Variants in MEF2A observed in about 807,000 individuals in gnomAD.
The protein encoded by MEF2A is myocyte enhancer factor 2A.
Under a neutral mutation model 55.8 loss-of-function variants are expected in MEF2A, and 28 were observed. That is an observed-to-expected ratio of 0.50 (90% CI 0.37 to 0.69). The LOEUF is 0.69. MEF2A is among the 30% of genes least tolerant of loss of function. MEF2A has a pLI of 0.00. For missense variants in MEF2A, 528 were observed against 626.2 expected (o/e 0.84, Z 1.67); for synonymous variants, 239 against 227.1 (o/e 1.05, Z -0.47).
intron 4 of MEF2A, among the ~76,000 whole-genome samples, chr15:99,660,801 A>C (rs940661397): frequency 6.6e-6 from 1 of 152,242 alleles, no homozygotes; most frequent in African/African-American, 2.4e-5. Context: ...TTCATAGATC[A>C]GAAGTCTCAA....
chr15:99,688,682 A>G lies in MEF2A; in HGVS notation c.671-1559A>G, dbSNP rs565494684. On this transcript the variant is annotated intron_variant, in intron 7 of 11. Transcript: ENST00000557942. The stretch of plus-strand genomic sequence containing the variant: ...TGAGGCAGGAGAATGGCGTGAACCC[A>G]GGAGGTGGAGCTTGCAGTGAGCCGA... Among the ~76,000 whole-genome samples the G allele has an allele frequency of 1.8e-4, 27 of 152,214 alleles. No homozygotes were observed. The South Asian group carries it at 2.9e-3, about 16-fold the overall frequency.
rs541974265 is a variant in MEF2A, at chr15:99,664,288, G to A, written c.259-7035G>A. Among the ~76,000 whole-genome samples the A allele has an allele frequency of 3.3e-5, 5 of 152,306 alleles. No homozygotes were observed. The South Asian group carries it at 8.3e-4, about 25-fold the overall frequency. On this transcript the variant is annotated intron_variant, in intron 4 of 11. Transcript: ENST00000557942. ...GTAGCTCCAACTAAAGAAAGAATTT[G>A]TTGAAAGAATGCAGACAGATAGCAC... is the stretch of plus-strand genomic sequence containing the variant.
intron 2 of MEF2A, among the ~76,000 whole-genome samples, chr15:99,631,331 TAAAAG>T (rs912311840): frequency 6.6e-6 from 1 of 152,230 alleles, no homozygotes; most frequent in African/African-American, 2.4e-5. Context: ...TGTGATCTGT[TAAAAG>T]AAATATTCTA....
chr15:99,643,233 A>G (rs1231271986), intron 3 of MEF2A, among the ~76,000 whole-genome samples: 2 of 152,200 alleles, frequency 1.3e-5, no homozygotes, highest in Non-Finnish European at 2.9e-5. Context: ...TTAACACTCT[A>G]CTAATTAGTT....
chr15:99,715,641 CGTCT>C lies in MEF2A; in HGVS notation c.*2871_*2874del, dbSNP rs1280303855. 3.9e-5 allele frequency: 6 copies of C among 152,194 alleles called. No individual in the cohort carries two copies. Among genetic ancestry groups the C allele is most frequent in the African/African-American group, 1.4e-4 (6 of 41,456 alleles). 9.4% of individuals were successfully genotyped at this position (152,194 alleles called of 1,614,324 possible). On this transcript the variant is annotated 3_prime_UTR_variant, in exon 12 of 12. Transcript: ENST00000557942. ...GACGCTAATGGTGTTGCTTTAGAAC[CGTCT>C]TTTCTTACCCTTTTAGACTCGTGTT...
At chr15:99,671,674 G>A in intron 5 of MEF2A, 1 of 1,550,104 alleles carries the variant, frequency 6.5e-7, no homozygotes, top group South Asian at 1.2e-5. Flanking sequence ...ACTAAAGTAT[G>A]GTTTGTGCTT....
intron 7 of MEF2A, among the ~76,000 whole-genome samples, chr15:99,689,964 A>T (rs112577059): frequency 0.017 from 2,628 of 152,316 alleles, 28 homozygotes; most frequent in Non-Finnish European, 0.027. Flanking sequence ...AAATGCTCTA[A>T]AATCTGAAAC....
chr15:99,696,220 TA>T (rs2056461642), intron 8 of MEF2A, among the ~76,000 whole-genome samples: 1 of 152,114 alleles, frequency 6.6e-6, no homozygotes, highest in Admixed American at 6.5e-5. Flanking sequence ...GAAAAATCAG[TA>T]AGGATCTAGA....
At chr15:99,569,680 A>T (rs1318014957) in intron 1 of MEF2A, among the ~76,000 whole-genome samples, 2 of 152,198 alleles carry the variant, frequency 1.3e-5, no homozygotes, top group Non-Finnish European at 2.9e-5. Flanking sequence ...TTGAAATTTA[A>T]AGTTAGAAGA....
chr15:99,584,518 A>T (rs1025967682), intron 1 of MEF2A, among the ~76,000 whole-genome samples: 1 of 152,200 alleles, frequency 6.6e-6, no homozygotes, highest in Non-Finnish European at 1.5e-5. Flanking sequence ...AATGAAGTGT[A>T]GATATGTGCT....
chr15:99,656,464 A>C (rs954162955), intron 4 of MEF2A, among the ~76,000 whole-genome samples: 3 of 152,124 alleles, frequency 2.0e-5, no homozygotes, highest in Admixed American at 6.6e-5. Context: ...GAGGCATCTT[A>C]GTAGCTAGTG....
rs548164836 is a variant in MEF2A, at chr15:99,708,712, G to T, written c.1009+1857G>T. Reference sequence around the variant, plus strand: ...AGGAGTGCAGTCAGCAGTGAAGCCTGGGGGGAAGGCACAAGACACACAGCT... The same window carrying T: ...AGGAGTGCAGTCAGCAGTGAAGCCTTGGGGGAAGGCACAAGACACACAGCT... On this transcript the variant is annotated intron_variant, in intron 10 of 11. Transcript: ENST00000557942. Among the ~76,000 whole-genome samples the T allele has an allele frequency of 2.6e-5, 4 of 152,328 alleles. No individual in the cohort carries two copies. In the East Asian group the frequency reaches 5.8e-4, roughly 22 times the overall value.
intron 3 of MEF2A, among the ~76,000 whole-genome samples, chr15:99,642,231 T>G (rs2045142864): frequency 6.6e-6 from 1 of 152,182 alleles, no homozygotes; most frequent in Non-Finnish European, 1.5e-5. Flanking sequence ...GTTTTTTCCC[T>G]TCTTAAAAGT....
chr15:99,566,440 G>C (rs1342535467), intron 1 of MEF2A: 7 of 150,194 alleles, frequency 4.7e-5, no homozygotes, highest in African/African-American at 1.2e-4. Flanking sequence ...GGGCGGGCCG[G>C]TGGGGCTGGA....
At chr15:99,573,916 T>G (rs982660736) in intron 1 of MEF2A, among the ~76,000 whole-genome samples, 1 of 152,224 alleles carries the variant, frequency 6.6e-6, no homozygotes, top group Non-Finnish European at 1.5e-5. Flanking sequence ...TTATTAATGG[T>G]GTTAAACCTA....
At position 99,691,585 on chromosome 15, in the gene MEF2A, C is replaced by G. The variant is rs571588991; in HGVS notation, c.858+1157C>G. ...TGGTGGCGCGTGCCTGTAATCCCAG[C>G]TACTCAGGAGGCTGAGGCAGGAGAA... is the stretch of plus-strand genomic sequence containing the variant. On this transcript the variant is annotated intron_variant, in intron 8 of 11. Coordinates refer to ENST00000557942, the MANE Select transcript of MEF2A (RefSeq NM_001319206.4). 2.2e-3 allele frequency among the ~76,000 whole-genome samples: 333 copies of G among 152,192 alleles called. 4 individuals carry two copies. The highest frequency in any genetic ancestry group is 4.3e-3 in the Non-Finnish European group (293 of 68,026).
chr15:99,706,310 A>G (rs1365829702), intron 9 of MEF2A, among the ~76,000 whole-genome samples: 2 of 152,268 alleles, frequency 1.3e-5, no homozygotes, highest in Non-Finnish European at 2.9e-5. Context: ...AAAGAAAAGT[A>G]GTTTTGATTC....
At chr15:99,664,471 G>C (rs1438243228) in intron 4 of MEF2A, among the ~76,000 whole-genome samples, 1 of 152,120 alleles carries the variant, frequency 6.6e-6, no homozygotes, top group Non-Finnish European at 1.5e-5. Flanking sequence ...GAAATGAATT[G>C]ATTTAAAACA....
intron 2 of MEF2A, 22 bp downstream of exon 2, chr15:99,598,533 A>T (rs914533903): frequency 1.2e-4 from 18 of 151,952 alleles, no homozygotes; most frequent in Non-Finnish European, 2.1e-4. Flanking sequence ...TTTCTTTTCT[A>T]TGTTAAGTAG....
Sources: allele counts gnomAD v4.1 joint callset (sites outside exome capture counted in the v4.1 genomes callset), GRCh38; gene constraint gnomAD v4.1.1; transcripts MANE v1.5; gene names NCBI Gene and HGNC (gene_info 2026-07-23, HGNC 2026-07-21).